TTC7B: variants seen among roughly 807,000 people sequenced by gnomAD.
TTC7B encodes tetratricopeptide repeat domain 7B.
In TTC7B, 28 loss-of-function variants were observed where a neutral mutation model predicts 106.8. The observed-to-expected ratio is 0.26, with a 90% CI of 0.19 to 0.36. The LOEUF (loss-of-function observed/expected upper bound fraction) is 0.36, where lower values mean the gene tolerates loss of function less well. TTC7B is among the 10% of genes least tolerant of loss of function. The pLI is 1.00. For missense variants in TTC7B, 862 were observed against 1,076.4 expected, an observed-to-expected ratio of 0.80 and a Z score of 2.79; for synonymous variants, 405 against 430.6, an observed-to-expected ratio of 0.94 and a Z score of 0.74.
Position 90,657,638 on chromosome 14 carries a change from C to T in TTC7B, c.1237-360G>A, listed in dbSNP as rs1886004777. Reference sequence around the variant, plus strand: ...ACTGAATTTCTGAATTCACTTAGCTCAAATAATCTTCCATCTCAGGCTTCA... The same window carrying T: ...ACTGAATTTCTGAATTCACTTAGCTTAAATAATCTTCCATCTCAGGCTTCA... On this transcript the variant is annotated intron_variant, in intron 10 of 19. Transcript: ENST00000328459. The surrounding 1 kb of genome is among the most constrained non-coding windows in gnomAD (Gnocchi z 4.2). Among the ~76,000 whole-genome samples, 1 of 152,224 alleles carries T rather than the reference C, an allele frequency of 6.6e-6. No homozygotes were observed. Among genetic ancestry groups the T allele is most frequent in the Admixed American group, 6.5e-5 (1 of 15,286 alleles).
intron 1 of TTC7B, among the ~76,000 whole-genome samples, chr14:90,815,485 A>C (rs549839824): frequency 6.6e-6 from 1 of 151,702 alleles, no homozygotes; most frequent in Non-Finnish European, 1.5e-5. Flanking sequence ...CTTCAACCAC[A>C]TTCCCATCTC....
chr14:90,610,825 C>T lies in TTC7B; in HGVS notation c.1883G>A (p.Gly628Glu), dbSNP rs760885589. Residue 628 changes from glycine to glutamate, a missense_variant, in exon 17 of 20, where the codon GGG (glycine) becomes GAG (glutamate). Transcript: ENST00000328459. Reference protein sequence around the residue: ...NLTNPSDSGRGSSLLDRTIAD... With the variant: ...NLTNPSDSGRESSLLDRTIAD... ...AATGGTTCTATCTAAGAGGCTGCTC[C>T]CACGTCCAGAATCACTGCAAAACAC... 6.2e-7 allele frequency: 1 copy of T among 1,613,750 alleles called. No homozygotes were observed. Among genetic ancestry groups the T allele is most frequent in the South Asian group, 1.1e-5 (1 of 91,066 alleles).
Position 90,663,453 on chromosome 14 carries a change from T to C in TTC7B, c.1153-5066A>G, listed in dbSNP as rs1886286416. ...GTTTCAGAGACTCAGCGATATGGTT[T>C]TTTTTTTGCTGCTAATGGGGACCCT... is the stretch of plus-strand genomic sequence containing the variant. On this transcript the variant is annotated intron_variant, in intron 9 of 19. Coordinates refer to ENST00000328459, the MANE Select transcript of TTC7B (RefSeq NM_001010854.2). The surrounding 1 kb of genome is among the most constrained non-coding windows in gnomAD (Gnocchi z 4.5). 6.6e-6 allele frequency among the ~76,000 whole-genome samples: 1 copy of C among 151,884 alleles called. No individual in the cohort carries two copies. The highest frequency in any genetic ancestry group is 2.4e-5 in the African/African-American group (1 of 41,306).
chr14:90,725,143 AAGT>A (rs1408831139), intron 5 of TTC7B, among the ~76,000 whole-genome samples: 1 of 152,194 alleles, frequency 6.6e-6, no homozygotes, highest in Non-Finnish European at 1.5e-5. Flanking sequence ...CTACTGTCAA[AAGT>A]AGTGTGCAGT....
chr14:90,686,446 T>C (rs973213023), intron 7 of TTC7B, among the ~76,000 whole-genome samples: 1 of 152,188 alleles, frequency 6.6e-6, no homozygotes, highest in African/African-American at 2.4e-5. Context: ...GCCACTTCTA[T>C]TTAACATTGT....
chr14:90,766,700 G>A, intron 3 of TTC7B: 3 of 1,457,066 alleles, frequency 2.1e-6, no homozygotes, highest in Admixed American at 1.7e-5. Flanking sequence ...AAGAGGGCGG[G>A]AGAACTCACT....
chr14:90,741,023 T>A (rs1470115324), intron 4 of TTC7B, among the ~76,000 whole-genome samples: 2 of 152,174 alleles, frequency 1.3e-5, no homozygotes, highest in African/African-American at 2.4e-5. Context: ...ACTGCGGTTT[T>A]ACAGACGAGG....
At chr14:90,598,821 T>C (rs1892316641) in intron 17 of TTC7B, among the ~76,000 whole-genome samples, 1 of 152,204 alleles carries the variant, frequency 6.6e-6, no homozygotes, top group African/African-American at 2.4e-5. Flanking sequence ...AAGTTCATCA[T>C]CCAAAGGGAT....
chr14:90,798,540 G>A (rs188590107), intron 1 of TTC7B, among the ~76,000 whole-genome samples: 5 of 151,956 alleles, frequency 3.3e-5, no homozygotes, highest in East Asian at 1.9e-4. Context: ...GCAAAACCCC[G>A]TTTCTACTAA....
At chr14:90,658,890 G>A (rs12883866) in intron 9 of TTC7B, among the ~76,000 whole-genome samples, 19,680 of 152,188 alleles carry the variant, frequency 0.13, 1,485 homozygotes, top group Middle Eastern at 0.21. Context: ...ATCTACAAAC[G>A]GACTTCCCTC....
chr14:90,624,584 G>A lies in TTC7B; in HGVS notation c.1752-6539C>T, dbSNP rs1361647559. Among the ~76,000 whole-genome samples, 1 of 152,198 alleles carries A rather than the reference G, an allele frequency of 6.6e-6. No individual in the cohort carries two copies. Among genetic ancestry groups the A allele is most frequent in the Non-Finnish European group, 1.5e-5 (1 of 68,026 alleles). On this transcript the variant is annotated intron_variant, in intron 15 of 19. Transcript: ENST00000328459. The surrounding 1 kb of genome is among the most constrained non-coding windows in gnomAD (Gnocchi z 4.0). ...CTTGGGCAGGGGCCAAAGATAGAGT[G>A]AAAAGGGCAGATATTTCTGAATTCT...
rs202193434 is a variant in TTC7B at position 90,524,906 on chromosome 14, C to A, written c.*16462G>T. 3 of 149,926 alleles carry A rather than the reference C, an allele frequency of 2.0e-5. No individual in the cohort carries two copies. Among genetic ancestry groups the A allele is most frequent in the African/African-American group, 7.4e-5 (3 of 40,634 alleles). The allele number at this position is 149,926 out of a possible 1,614,324, so 9.3% of individuals were successfully genotyped here. A position where few individuals can be genotyped will look rare whatever the true frequency, so the allele number is the denominator to read the frequency against. ...TTTTTTTTTAAAAAAAAAAAACAAA[C>A]AAAAAAACAAAAAACAGCCTTATGA... is the stretch of plus-strand genomic sequence containing the variant. On this transcript the variant is annotated 3_prime_UTR_variant, in exon 20 of 20. Transcript: ENST00000328459.
chr14:90,638,050 CT>C (rs78198771), intron 15 of TTC7B, among the ~76,000 whole-genome samples: 202 of 143,932 alleles, frequency 1.4e-3, no homozygotes, highest in Middle Eastern at 3.6e-3. Flanking sequence ...TCTGGCTACC[CT>C]TTTTTTTTTT....
chr14:90,721,054 G>T (rs1421790165), intron 5 of TTC7B, among the ~76,000 whole-genome samples: 1 of 152,120 alleles, frequency 6.6e-6, no homozygotes, highest in African/African-American at 2.4e-5. Flanking sequence ...TTTCTTGGTG[G>T]TGATTAAAGG....
intron 9 of TTC7B, among the ~76,000 whole-genome samples, chr14:90,671,981 G>C (rs1886652014): frequency 2.0e-5 from 3 of 152,198 alleles, no homozygotes; most frequent in Non-Finnish European, 4.4e-5. Context: ...GCACAACGCT[G>C]CACAACACAC....
chr14:90,727,885 G>A (rs1454006511), intron 5 of TTC7B, among the ~76,000 whole-genome samples: 1 of 152,146 alleles, frequency 6.6e-6, no homozygotes, highest in Admixed American at 6.5e-5. Flanking sequence ...ACCTCACAAG[G>A]AAGCGTGGGA....
Position 90,537,711 on chromosome 14 carries a change from T to A in TTC7B, c.*3657A>T, listed in dbSNP as rs569452588. The stretch of plus-strand genomic sequence containing the variant: ...TTTCTTCAGCCAGATGTCACCTTCT[T>A]AGCGAGGCTTCCCTAGTCACCTTCT... On this transcript the variant is annotated 3_prime_UTR_variant, in exon 20 of 20. Coordinates refer to ENST00000328459, the MANE Select transcript of TTC7B (RefSeq NM_001010854.2). The A allele has an allele frequency of 6.6e-6, 1 of 152,252 alleles. No individual in the cohort carries two copies. Among genetic ancestry groups the A allele is most frequent in the South Asian group, 2.1e-4 (1 of 4,808 alleles). The allele number at this position is 152,252 out of a possible 1,614,324, so 9.4% of individuals were successfully genotyped here.
chr14:90,589,799 G>T (rs1157647148), intron 18 of TTC7B, among the ~76,000 whole-genome samples: 1 of 152,122 alleles, frequency 6.6e-6, no homozygotes, highest in Non-Finnish European at 1.5e-5. Flanking sequence ...AAGCAAAATC[G>T]TTGCTTTGAA....
At position 90,536,778 on chromosome 14, in the gene TTC7B, C is replaced by T. The variant is rs924026660; in HGVS notation, c.*4590G>A. 1 of 152,458 alleles carries T rather than the reference C, an allele frequency of 6.6e-6. No individual in the cohort carries two copies. The highest frequency in any genetic ancestry group is 1.5e-5 in the Non-Finnish European group (1 of 68,214). The allele number at this position is 152,458 out of a possible 1,614,324, so 9.4% of individuals were successfully genotyped here. On this transcript the variant is annotated 3_prime_UTR_variant, in exon 20 of 20. Transcript: ENST00000328459. ...GCGGCCTGCAGAATAACGTGCTCCC[C>T]CTGCCCCTCAAAGACGTCCACATCC...
Sources: gnomAD v4.1 joint callset for allele counts (sites outside exome capture counted in the v4.1 genomes callset) on GRCh38, gnomAD v4.1.1 for gene constraint, Gnocchi (gnomAD v3.1) non-coding constraint, MANE v1.5 for transcripts, NCBI Gene and HGNC (gene_info 2026-07-23, HGNC 2026-07-21) for gene names.